The following ATE1 variants were observed in gnomAD, a reference collection of about 807,000 sequenced individuals.
ATE1 encodes arginyltransferase 1.
Under a neutral mutation model 70.5 loss-of-function variants are expected in ATE1, and 36 were observed. The observed-to-expected ratio is 0.51, with a 90% CI of 0.39 to 0.67. The LOEUF is 0.67. Among genes scored for constraint, ATE1 ranks in the 30% least tolerant of loss-of-function variants. The pLI, the probability that ATE1 is intolerant of heterozygous loss-of-function variation, is 0.00. For synonymous variants in ATE1, 232 were observed against 219.3 expected, an observed-to-expected ratio of 1.06 and a Z score of -0.51; for missense variants, 593 against 629.5, an observed-to-expected ratio of 0.94 and a Z score of 0.62.
At chr10:121,894,413 T>C (rs994362250) in intron 7 of ATE1, among the ~76,000 whole-genome samples, 3 of 152,254 alleles carry the variant, frequency 2.0e-5, no homozygotes, top group South Asian at 2.1e-4. Flanking sequence ...AAAAGATGTG[T>C]CATGCAAACA....
rs564729584 is a variant in ATE1, at chr10:121,805,894, A to G, written c.1258-15605T>C. On this transcript the variant is annotated intron_variant, in intron 10 of 11. Transcript: ENST00000224652. ...TAAGTCAAAGGAAAAAAGCAGCTTT[A>G]CAGTGGAGAGTCTGGTAGATGTCAC... Among the ~76,000 whole-genome samples the G allele has an allele frequency of 2.6e-5, 4 of 152,312 alleles. No individual in the cohort carries two copies. In the South Asian group the frequency reaches 8.3e-4, roughly 32 times the overall value.
rs1000972515 is a variant in ATE1 at position 121,834,377 on chromosome 10, A to C, written c.1257+2341T>G. On this transcript the variant is annotated intron_variant, in intron 10 of 11. Coordinates refer to ENST00000224652, the MANE Select transcript of ATE1 (RefSeq NM_001001976.3). ...ATCTGAATAAACATTTCCTGGATGA[A>C]GGAAGAAAGTAAACCAGAAGGCAAG... 1.1e-3 allele frequency among the ~76,000 whole-genome samples: 161 copies of C among 152,298 alleles called. 1 individual carries two copies. The highest frequency in any genetic ancestry group is 3.6e-3 in the African/African-American group (149 of 41,576).
intron 11 of ATE1, among the ~76,000 whole-genome samples, chr10:121,757,061 C>CT (rs1340621810): frequency 6.6e-6 from 1 of 152,196 alleles, no homozygotes. Flanking sequence ...GCACCCAAGT[C>CT]ACCTCTTCAA....
chr10:121,759,230 A>C (rs556565300), intron 11 of ATE1, among the ~76,000 whole-genome samples: 1 of 152,354 alleles, frequency 6.6e-6, no homozygotes, highest in South Asian at 2.1e-4. Context: ...TATTGCTGAT[A>C]TGGAGAAAGT....
chr10:121,877,837 A>G (rs929671230), intron 7 of ATE1, among the ~76,000 whole-genome samples: 4 of 152,206 alleles, frequency 2.6e-5, no homozygotes, highest in Non-Finnish European at 5.9e-5. Flanking sequence ...ACATTTCTAT[A>G]AATGCTGAAG....
chr10:121,748,370 T>G (rs2135687394), intron 11 of ATE1, among the ~76,000 whole-genome samples: 1 of 152,328 alleles, frequency 6.6e-6, no homozygotes, highest in Middle Eastern at 3.4e-3. Flanking sequence ...TATTTTAAAG[T>G]GTATTCCCTG....
intron 11 of ATE1, among the ~76,000 whole-genome samples, chr10:121,779,413 CT>C (rs1278968252): frequency 1.3e-5 from 2 of 152,170 alleles, no homozygotes; most frequent in Non-Finnish European, 2.9e-5. Flanking sequence ...TCACCAGCAC[CT>C]GCTTCAATGG....
chr10:121,883,682 A>C (rs1590622524), intron 7 of ATE1, among the ~76,000 whole-genome samples: 1 of 152,224 alleles, frequency 6.6e-6, no homozygotes, highest in East Asian at 1.9e-4. Context: ...ATATCTCAGC[A>C]ATAAAAAACG....
intron 10 of ATE1, among the ~76,000 whole-genome samples, chr10:121,833,300 T>C (rs1948314808): frequency 7.1e-6 from 1 of 140,048 alleles, no homozygotes; most frequent in Non-Finnish European, 1.5e-5. Context: ...CAAATCTTTG[T>C]TAAAAAAAAA....
chr10:121,824,374 G>A (rs138146694), intron 10 of ATE1, among the ~76,000 whole-genome samples: 4 of 152,264 alleles, frequency 2.6e-5, no homozygotes, highest in East Asian at 1.9e-4. Flanking sequence ...ATTTACCAAC[G>A]TGTTTGGTCA....
chr10:121,814,746 A>C (rs1947468133), intron 10 of ATE1, among the ~76,000 whole-genome samples: 1 of 152,186 alleles, frequency 6.6e-6, no homozygotes, highest in African/African-American at 2.4e-5. Context: ...ACTGGCTTTC[A>C]TTCTAACATC....
At chr10:121,783,458 A>G (rs1946078739) in intron 11 of ATE1, among the ~76,000 whole-genome samples, 1 of 151,820 alleles carries the variant, frequency 6.6e-6, no homozygotes, top group Non-Finnish European at 1.5e-5. Context: ...TAAGATTCTC[A>G]CTTTTATACA....
intron 10 of ATE1, among the ~76,000 whole-genome samples, chr10:121,818,589 A>G (rs1264426710): frequency 1.3e-5 from 2 of 151,076 alleles, no homozygotes; most frequent in African/African-American, 5.0e-5. Context: ...TTTGTAAAGA[A>G]AAAAATCCTT....
intron 10 of ATE1, among the ~76,000 whole-genome samples, chr10:121,818,218 C>T (rs1482934711): frequency 1.6e-5 from 2 of 122,738 alleles, no homozygotes; most frequent in Non-Finnish European, 3.2e-5. Flanking sequence ...GATTGCACCA[C>T]TGCACTCAAG....
intron 10 of ATE1, among the ~76,000 whole-genome samples, chr10:121,803,046 T>G (rs1347235623): frequency 6.6e-6 from 1 of 152,214 alleles, no homozygotes; most frequent in East Asian, 1.9e-4. Flanking sequence ...CACAGAGGCC[T>G]ATTCTAGAAC....
At chr10:121,804,587 C>T (rs1015550803) in intron 10 of ATE1, among the ~76,000 whole-genome samples, 2 of 152,052 alleles carry the variant, frequency 1.3e-5, no homozygotes, top group African/African-American at 4.8e-5. Flanking sequence ...TACTTTTGGG[C>T]GTAAATGTTT....
intron 7 of ATE1, among the ~76,000 whole-genome samples, chr10:121,879,236 A>G (rs1031828153): frequency 6.6e-6 from 1 of 152,114 alleles, no homozygotes; most frequent in Non-Finnish European, 1.5e-5. Context: ...TACTCTCCCA[A>G]CTACCTGAAA....
At chr10:121,787,456 G>A (rs1480922680) in intron 11 of ATE1, among the ~76,000 whole-genome samples, 1 of 152,120 alleles carries the variant, frequency 6.6e-6, no homozygotes, top group Non-Finnish European at 1.5e-5. Context: ...TAAAACCACA[G>A]GATATAAGTC....
chr10:121,774,784 AGAAATTATCTGTGCTGAT>A (rs1347661917), intron 11 of ATE1, among the ~76,000 whole-genome samples: 3 of 152,356 alleles, frequency 2.0e-5, no homozygotes, highest in Non-Finnish European at 4.4e-5. Context: ...CGCTCAACAA[AGAAATTATCTGTGCTGAT>A]GAAATTATCT....
Sources: allele counts gnomAD v4.1 joint callset (sites outside exome capture counted in the v4.1 genomes callset), GRCh38; gene constraint gnomAD v4.1.1; transcripts MANE v1.5; gene names NCBI Gene and HGNC (gene_info 2026-07-23, HGNC 2026-07-21).